The following MROH7 variants were observed in gnomAD, a reference collection of about 807,000 sequenced individuals.
MROH7 encodes maestro heat like repeat family member 7.
MROH7 carries 113 observed loss-of-function variants against 129.2 expected under a neutral mutation model. The ratio of observed to expected loss-of-function variants is 0.87; its 90% CI spans 0.75 to 1.02. The LOEUF is 1.02. Ranked by LOEUF, MROH7 falls within the 50% of genes least tolerant of loss-of-function variation. The pLI is 0.00. For missense variants in MROH7, 1,601 were observed against 1,671.3 expected (o/e 0.96, Z 0.73); for synonymous variants, 655 against 667.9 (o/e 0.98, Z 0.30).
chr1:54,710,212 C>A lies in MROH7; in HGVS notation c.*25C>A, dbSNP rs1327364444. 5.7e-5 allele frequency: 92 copies of A among 1,603,508 alleles called. No individual in the cohort carries two copies. Among genetic ancestry groups the A allele is most frequent in the Non-Finnish European group, 7.1e-5 (84 of 1,176,532 alleles). ...ACGTCCCTGAGCCCCAAACCCTCCT[C>A]AGGGTGGTTGAGTTCCAGCCATGCT... On this transcript the variant is annotated 3_prime_UTR_variant, in exon 24 of 24. Transcript: ENST00000421030.
intron 21 of MROH7, 32 bp from the exon 22 acceptor site, chr1:54,706,403 G>A: frequency 1.9e-6 from 3 of 1,546,026 alleles, no homozygotes; most frequent in Non-Finnish European, 2.7e-6. Context: ...CCTCTGAGAG[G>A]CCAGCACTTT....
intron 17 of MROH7, chr1:54,697,993 G>T (rs1359376349): frequency 1.2e-5 from 4 of 326,138 alleles, no homozygotes; most frequent in African/African-American, 6.3e-5. Flanking sequence ...CCCAGGTTCA[G>T]TCTTTTCCAC....
At chr1:54,702,836 A>G in intron 21 of MROH7, 91 bp downstream of exon 21, 2 of 1,453,068 alleles carry the variant, frequency 1.4e-6, no homozygotes, top group Non-Finnish European at 1.9e-6. Flanking sequence ...TCCCACCAGC[A>G]TCCTATTTCC....
intron 1 of MROH7, among the ~76,000 whole-genome samples, chr1:54,643,930 T>C (rs187585410): frequency 8.3e-4 from 127 of 152,342 alleles, no homozygotes; most frequent in Non-Finnish European, 1.5e-3. Context: ...TATGCTGTTA[T>C]TCAAATTGGT....
intron 21 of MROH7, among the ~76,000 whole-genome samples, chr1:54,704,393 C>T (rs1391080143): frequency 6.6e-6 from 1 of 151,416 alleles, no homozygotes; most frequent in Non-Finnish European, 1.5e-5. Context: ...CTTCTCTTGC[C>T]AGGTCCTCTG....
At chr1:54,694,817 G>C (rs1240480980) in intron 16 of MROH7, among the ~76,000 whole-genome samples, 2 of 152,170 alleles carry the variant, frequency 1.3e-5, no homozygotes, top group African/African-American at 2.4e-5. Context: ...CTGGTTGAGT[G>C]GGGGTGGCAC....
rs927347412 is a variant in MROH7, at chr1:54,699,950, C to T, written c.2965-371C>T. The stretch of plus-strand genomic sequence containing the variant: ...GCATCCCAGGAGAAGGGCATTTTGC[C>T]AGCACAGAAGGGGTGGAACAGCCTG... On this transcript the variant is annotated intron_variant, in intron 17 of 23. Transcript: ENST00000421030. 54 of 596,918 alleles carry T rather than the reference C, an allele frequency of 9.0e-5. 1 individual carries two copies. In the Middle Eastern group the frequency reaches 1.1e-3, roughly 12 times the overall value. The allele number at this position is 596,918 out of a possible 1,614,324, so 37.0% of individuals were successfully genotyped here.
intron 14 of MROH7, among the ~76,000 whole-genome samples, chr1:54,683,414 G>A (rs926632141): frequency 3.3e-5 from 5 of 152,158 alleles, no homozygotes; most frequent in Admixed American, 3.3e-4. Flanking sequence ...AAGCTGGCTG[G>A]GCTGAAGAGA....
At chr1:54,699,167 C>CTTTCTT (rs1645386364) in intron 17 of MROH7, 1 of 113,086 alleles carries the variant, frequency 8.8e-6, no homozygotes, top group African/African-American at 3.5e-5. Context: ...TCTTTTCTTT[C>CTTTCTT]TTTCTTTCTT....
At position 54,654,059 on chromosome 1, in the gene MROH7, G is replaced by C. The variant is rs752071197; in HGVS notation, c.1133G>C (p.Ser378Thr). 1 of 1,614,214 alleles carries C rather than the reference G, an allele frequency of 6.2e-7. No homozygotes were observed. Among genetic ancestry groups the C allele is most frequent in the Admixed American group, 1.7e-5 (1 of 60,030 alleles). The change falls in exon 3 of 24, where the codon AGT (serine) becomes ACT (threonine). Residue 378 changes from serine to threonine, a missense_variant. By Grantham distance (58) the Ser-to-Thr change is moderately conservative. Coordinates refer to ENST00000421030, the MANE Select transcript of MROH7 (RefSeq NM_001039464.4). The stretch of plus-strand genomic sequence containing the variant: ...CTGGAGGAGAATCTGGAGAGTTGGA[G>C]TGAGATGGCCAGCATTAAGGTGGGC... ...VPLEENLESW[S>T]EMASIKVGQF...
intron 13 of MROH7, among the ~76,000 whole-genome samples, chr1:54,680,329 A>G (rs1374251327): frequency 6.6e-6 from 1 of 152,216 alleles, no homozygotes; most frequent in African/African-American, 2.4e-5. Flanking sequence ...TGAGCAAGCA[A>G]TAGAACGGAG....
intron 3 of MROH7, among the ~76,000 whole-genome samples, chr1:54,661,940 G>A (rs1245767760): frequency 6.6e-6 from 1 of 152,080 alleles, no homozygotes; most frequent in Non-Finnish European, 1.5e-5. Flanking sequence ...ACCTAGGGCT[G>A]GGCATGGTGG....
Position 54,653,533 on chromosome 1 carries a change from A to G in MROH7, c.607A>G (p.Ile203Val). 6.2e-7 allele frequency: 1 copy of G among 1,614,210 alleles called. No individual in the cohort carries two copies. Among genetic ancestry groups the G allele is most frequent in the Non-Finnish European group, 8.5e-7 (1 of 1,180,038 alleles). ...TAGGCCAAGCTCAAAAGCACTCCTT[A>G]TTCCAACCTCAAACTCTTCTCTGGA... ...ISRPSSKALLIPTSNSSLDLD... is the reference protein window; with the variant it reads ...ISRPSSKALLVPTSNSSLDLD... Residue 203 changes from isoleucine (I) to valine (V), a missense_variant, in exon 3 of 24, where the codon ATT (isoleucine) becomes GTT (valine). Physicochemically the swap from Ile to Val is conservative, Grantham distance 29. Coordinates refer to ENST00000421030, the MANE Select transcript of MROH7 (RefSeq NM_001039464.4).
At chr1:54,700,744 CAG>C (rs1190782833) in intron 18 of MROH7, among the ~76,000 whole-genome samples, 9 of 152,222 alleles carry the variant, frequency 5.9e-5, no homozygotes, top group African/African-American at 1.9e-4. Context: ...GATAAGGAAA[CAG>C]AGCCCAGATT....
intron 2 of MROH7, 39 bp from the exon 3 acceptor site, chr1:54,652,814 G>T (rs1181458025): frequency 7.1e-7 from 1 of 1,399,186 alleles, no homozygotes; most frequent in African/African-American, 1.4e-5. Flanking sequence ...AGCCTTAACA[G>T]GTGTGGCATG....
intron 14 of MROH7, among the ~76,000 whole-genome samples, chr1:54,685,344 C>T (rs889020060): frequency 6.6e-6 from 1 of 152,314 alleles, no homozygotes; most frequent in Admixed American, 6.5e-5. Context: ...AATGGCACAG[C>T]TCAAACCATT....
At chr1:54,668,717 G>T in intron 4 of MROH7, 137 bp from the exon 5 acceptor site, 1 of 642,874 alleles carries the variant, frequency 1.6e-6, no homozygotes. Context: ...TCCCCTTGTG[G>T]GGACCTCTCA....
At position 54,699,157 on chromosome 1, in the gene MROH7, T is replaced by TC. The variant is rs1272398217; in HGVS notation, c.2965-1163dup. 1.7e-3 allele frequency: 147 copies of TC among 87,016 alleles called. 6 individuals carry two copies. The highest frequency in any genetic ancestry group is 6.3e-3 in the African/African-American group (140 of 22,218). 5.4% of individuals were successfully genotyped at this position (87,016 alleles called of 1,614,324 possible). A position where few individuals can be genotyped will look rare whatever the true frequency, so the allele number is the denominator to read the frequency against. ...TTCTTTCTTTCTTTCTTTCTTTCTT[T>TC]CTTTTCTTTCTTTCTTTCTTTCTTT... On this transcript the variant is annotated intron_variant, in intron 17 of 23. Coordinates refer to ENST00000421030, the MANE Select transcript of MROH7 (RefSeq NM_001039464.4).
At chr1:54,671,709 C>G (rs1004793065) in intron 7 of MROH7, among the ~76,000 whole-genome samples, 1 of 152,210 alleles carries the variant, frequency 6.6e-6, no homozygotes, top group East Asian at 1.9e-4. Flanking sequence ...AGGGTTTTAG[C>G]GCAGGGTGCA....
Sources: allele counts gnomAD v4.1 joint callset (sites outside exome capture counted in the v4.1 genomes callset), GRCh38; gene constraint gnomAD v4.1.1; transcripts MANE v1.5; gene names NCBI Gene and HGNC (gene_info 2026-07-23, HGNC 2026-07-21).